P3H2: variants seen among roughly 807,000 people sequenced by gnomAD.
P3H2 encodes leprecan-like 1.
Under a neutral mutation model 87.0 loss-of-function variants are expected in P3H2, and 80 were observed. That is an observed-to-expected ratio of 0.92 (90% confidence interval 0.77 to 1.11). The LOEUF (loss-of-function observed/expected upper bound fraction) is 1.11, where lower values mean the gene tolerates loss of function less well. P3H2 is among the 50% of genes least tolerant of loss of function. The pLI is 0.00. For synonymous variants in P3H2, 367 were observed against 359.3 expected, an observed-to-expected ratio of 1.02 and a Z score of -0.24; for missense variants, 1,001 against 923.9, an observed-to-expected ratio of 1.08 and a Z score of -1.08.
At chr3:190,071,592 T>C (rs1000848626) in intron 1 of P3H2, among the ~76,000 whole-genome samples, 2 of 152,240 alleles carry the variant, frequency 1.3e-5, no homozygotes, top group African/African-American at 4.8e-5. Flanking sequence ...TCCTTTCCAT[T>C]TGAGGAAAGA....
intron 1 of P3H2, among the ~76,000 whole-genome samples, chr3:190,040,957 G>A (rs986465680): frequency 7.0e-6 from 1 of 143,162 alleles, no homozygotes; most frequent in Admixed American, 7.2e-5. Context: ...GCTGAGGCAG[G>A]CAGATCACTT....
chr3:190,064,041 G>T (rs1726417815), intron 1 of P3H2, among the ~76,000 whole-genome samples: 1 of 147,548 alleles, frequency 6.8e-6, no homozygotes, highest in Non-Finnish European at 1.5e-5. Flanking sequence ...ACCCAGGCTG[G>T]AGAATAGTAG....
At chr3:190,106,083 T>C (rs1711822271) in intron 1 of P3H2, among the ~76,000 whole-genome samples, 1 of 152,114 alleles carries the variant, frequency 6.6e-6, no homozygotes, top group African/African-American at 2.4e-5. Context: ...ATTCCCAAGA[T>C]GTGTCTGTGG....
At chr3:189,969,364 GT>G in intron 13 of P3H2, 1 of 820,172 alleles carries the variant, frequency 1.2e-6, no homozygotes, top group Non-Finnish European at 2.1e-6. Flanking sequence ...TGTGACCATT[GT>G]CCCCTTTGAA....
At chr3:189,966,003 G>GAGAGGGAGAGAAAGAAAGAAAA (rs1722964276) in intron 13 of P3H2, among the ~76,000 whole-genome samples, 2 of 134,096 alleles carry the variant, frequency 1.5e-5, no homozygotes, top group Non-Finnish European at 3.2e-5. Context: ...AAAGAAAGAA[G>GAGAGGGAGAGAAAGAAAGAAAA]AGAGGGAGAG....
intron 1 of P3H2, among the ~76,000 whole-genome samples, chr3:190,022,926 A>G (rs1041805796): frequency 1.3e-5 from 2 of 152,080 alleles, no homozygotes; most frequent in African/African-American, 2.4e-5. Flanking sequence ...TCCCGGGTTC[A>G]CGCCATTCTC....
chr3:190,050,677 C>T (rs376858833), intron 1 of P3H2, among the ~76,000 whole-genome samples: 47 of 152,260 alleles, frequency 3.1e-4, no homozygotes, highest in Non-Finnish European at 6.2e-4. Flanking sequence ...TAGGAAAACA[C>T]AAGTCCATTA....
chr3:189,974,168 A>C (rs925155154), intron 9 of P3H2, 164 bp from the exon 10 acceptor site: 2 of 642,868 alleles, frequency 3.1e-6, no homozygotes, highest in Admixed American at 2.7e-5. Flanking sequence ...TAAAAGAGAT[A>C]TCTTTATTTA....
At chr3:190,089,056 C>A (rs1727319812) in intron 1 of P3H2, among the ~76,000 whole-genome samples, 1 of 152,228 alleles carries the variant, frequency 6.6e-6, no homozygotes, top group African/African-American at 2.4e-5. Flanking sequence ...GGGAGCTCCA[C>A]ACTGACACCA....
At chr3:190,094,940 G>C (rs1258886719) in intron 1 of P3H2, among the ~76,000 whole-genome samples, 1 of 152,048 alleles carries the variant, frequency 6.6e-6, no homozygotes, top group Non-Finnish European at 1.5e-5. Flanking sequence ...ATTGTATCGA[G>C]ACAATTCTGC....
At chr3:190,015,757 C>T (rs1291298176) in intron 1 of P3H2, among the ~76,000 whole-genome samples, 1 of 152,196 alleles carries the variant, frequency 6.6e-6, no homozygotes, top group Non-Finnish European at 1.5e-5. Context: ...TATTCCCTGA[C>T]CAAGCTAAGG....
chr3:190,105,009 T>G (rs1711775217), intron 1 of P3H2, among the ~76,000 whole-genome samples: 1 of 152,226 alleles, frequency 6.6e-6, no homozygotes, highest in Non-Finnish European at 1.5e-5. Context: ...TAGAAAACTG[T>G]ATGCCTTTTT....
chr3:189,959,886 G>A (rs1270634298), intron 14 of P3H2, among the ~76,000 whole-genome samples: 2 of 99,604 alleles, frequency 2.0e-5, no homozygotes, highest in African/African-American at 2.8e-5. Flanking sequence ...GTGTGTGTGT[G>A]TGTGTGTGTG....
intron 1 of P3H2, among the ~76,000 whole-genome samples, chr3:190,043,497 C>T (rs1300474968): frequency 1.3e-5 from 2 of 152,110 alleles, no homozygotes; most frequent in African/African-American, 4.8e-5. Flanking sequence ...TGCAGGTCAC[C>T]CGTGAGAACT....
chr3:190,057,532 C>T (rs1340967775), intron 1 of P3H2, among the ~76,000 whole-genome samples: 2 of 152,094 alleles, frequency 1.3e-5, no homozygotes, highest in East Asian at 1.9e-4. Context: ...AAACAGAATC[C>T]CACATCACTC....
intron 6 of P3H2, among the ~76,000 whole-genome samples, chr3:189,985,986 T>A (rs945325412): frequency 6.6e-6 from 1 of 152,198 alleles, no homozygotes; most frequent in Non-Finnish European, 1.5e-5. Flanking sequence ...CCATAGTATA[T>A]GTTTCTGCAA....
intron 1 of P3H2, among the ~76,000 whole-genome samples, chr3:190,018,034 C>A (rs1001461735): frequency 3.3e-5 from 5 of 152,136 alleles, no homozygotes; most frequent in African/African-American, 9.7e-5. Flanking sequence ...GTCACAGTGA[C>A]CGATTCTGTA....
Position 190,027,511 on chromosome 3 carries a change from G to C in P3H2, c.481-32069C>G, listed in dbSNP as rs146487857. On this transcript the variant is annotated intron_variant, in intron 1 of 14. Coordinates refer to ENST00000319332, the MANE Select transcript of P3H2 (RefSeq NM_018192.4). ...TTATAATGAAACATCAGGTTATAGAGAAAGAGGTCATTAATTAAACTATAA... is the reference window on the plus strand; with the variant it reads ...TTATAATGAAACATCAGGTTATAGACAAAGAGGTCATTAATTAAACTATAA... Among the ~76,000 whole-genome samples the C allele has an allele frequency of 3.5e-3, 534 of 152,156 alleles. 5 individuals are homozygous for C. Among genetic ancestry groups the C allele is most frequent in the African/African-American group, 0.012 (507 of 41,530 alleles).
intron 1 of P3H2, among the ~76,000 whole-genome samples, chr3:190,107,919 TTTG>T (rs1222050813): frequency 1.3e-5 from 2 of 152,178 alleles, no homozygotes; most frequent in African/African-American, 4.8e-5. Context: ...AATAGTATTT[TTTG>T]TTTTTTATTC....
Sources: allele counts gnomAD v4.1 joint callset (sites outside exome capture counted in the v4.1 genomes callset), GRCh38; gene constraint gnomAD v4.1.1; transcripts MANE v1.5; gene names NCBI Gene and HGNC (gene_info 2026-07-23, HGNC 2026-07-21).